Variants in MGAT4C observed in about 807,000 individuals in gnomAD.
MGAT4C encodes alpha-1,3-mannosyl-glycoprotein 4-beta-N-acetylglucosaminyltransferase C.
A neutral mutation model predicts 40.1 loss-of-function variants in MGAT4C; 19 were observed. That is an observed-to-expected ratio of 0.47 (90% CI 0.33 to 0.70). The LOEUF (loss-of-function observed/expected upper bound fraction) is 0.70. Ranked by LOEUF, MGAT4C falls within the 30% of genes least tolerant of loss-of-function variation. The pLI is 0.02. For synonymous variants in MGAT4C, 181 were observed against 187.1 expected (o/e 0.97, Z 0.27); for missense variants, 491 against 563.2 (o/e 0.87, Z 1.30).
At chr12:86,262,791 C>T (rs1256069635) in intron 4 of MGAT4C, among the ~76,000 whole-genome samples, 2 of 151,902 alleles carry the variant, frequency 1.3e-5, no homozygotes, top group Non-Finnish European at 2.9e-5. Context: ...TAATTTCTGC[C>T]TGCAGTCAGA....
chr12:86,277,193 T>A (rs968798456), intron 4 of MGAT4C, among the ~76,000 whole-genome samples: 1 of 152,232 alleles, frequency 6.6e-6, no homozygotes, highest in Non-Finnish European at 1.5e-5. Context: ...CACATTTTTA[T>A]ATACCTGTTT....
rs1030451 is a variant in MGAT4C at position 86,672,627 on chromosome 12, G to T, written c.-229+54582C>A. ...ACTACAGAAATTCAAAGGACCATTAGTGGATACTATGAGCGACTATATACC... is the reference window on the plus strand; with the variant it reads ...ACTACAGAAATTCAAAGGACCATTATTGGATACTATGAGCGACTATATACC... On this transcript the variant is annotated intron_variant, in intron 2 of 7. Coordinates refer to the MGAT4C transcript ENST00000548651. Among the ~76,000 whole-genome samples the T allele has an allele frequency of 3.3e-5, 5 of 152,076 alleles. No individual in the cohort carries two copies. In the East Asian group the frequency reaches 7.7e-4, roughly 23 times the overall value.
At chr12:86,182,731 A>G (rs942034889) in intron 1 of MGAT4C, among the ~76,000 whole-genome samples, 1 of 152,222 alleles carries the variant, frequency 6.6e-6, no homozygotes, top group African/African-American at 2.4e-5. Context: ...AAGCAGCCAT[A>G]AACAGCAATA....
At chr12:86,308,194 G>A in intron 4 of MGAT4C, among the ~76,000 whole-genome samples, 1 of 150,492 alleles carries the variant, frequency 6.6e-6, no homozygotes, top group East Asian at 1.9e-4. Flanking sequence ...TGTATATACA[G>A]GACTTTTGAA....
chr12:86,090,536 C>A (rs1872702688), intron 1 of MGAT4C, among the ~76,000 whole-genome samples: 1 of 151,542 alleles, frequency 6.6e-6, no homozygotes, highest in Admixed American at 6.6e-5. Flanking sequence ...CAGTACTTTT[C>A]TCTCATGTTT....
intron 2 of MGAT4C, among the ~76,000 whole-genome samples, chr12:86,638,221 C>T (rs1963278066): frequency 6.6e-6 from 1 of 151,818 alleles, no homozygotes; most frequent in African/African-American, 2.4e-5. Flanking sequence ...TTATTCTTTG[C>T]CCCCTAATAT....
chr12:86,566,511 ATACT>A (rs1489680436), intron 2 of MGAT4C, among the ~76,000 whole-genome samples: 5 of 123,140 alleles, frequency 4.1e-5, no homozygotes, highest in African/African-American at 1.5e-4. Context: ...ATGTGAGTTA[ATACT>A]TAGTAAACTC....
At chr12:86,659,169 C>CT (rs958567458) in intron 2 of MGAT4C, among the ~76,000 whole-genome samples, 2 of 151,606 alleles carry the variant, frequency 1.3e-5, no homozygotes, top group Admixed American at 6.6e-5. Context: ...TTTTATAGCA[C>CT]TTTTTTTTCA....
chr12:86,071,798 T>A (rs2137037819), intron 1 of MGAT4C, among the ~76,000 whole-genome samples: 1 of 152,260 alleles, frequency 6.6e-6, no homozygotes, highest in East Asian at 1.9e-4. Flanking sequence ...GTAAAACGTG[T>A]TAGATCCAGA....
chr12:86,021,456 G>A (rs1440691719), intron 2 of MGAT4C, among the ~76,000 whole-genome samples: 1 of 151,766 alleles, frequency 6.6e-6, no homozygotes, highest in African/African-American at 2.4e-5. Flanking sequence ...GATGAAGCTG[G>A]AAACCATCAT....
rs1038018331 is a variant in MGAT4C, at chr12:86,688,276, C to T, written c.-229+38933G>A. Reference sequence around the variant, plus strand: ...AATGGGTCTCCTGAATACAGCACACCGATGGGTCTTGTCTCTTTATCCAAT... The same window carrying T: ...AATGGGTCTCCTGAATACAGCACACTGATGGGTCTTGTCTCTTTATCCAAT... On this transcript the variant is annotated intron_variant, in intron 2 of 7. Transcript: ENST00000548651. 6.7e-5 allele frequency among the ~76,000 whole-genome samples: 10 copies of T among 150,368 alleles called. No individual in the cohort carries two copies. The East Asian group carries it at 9.9e-4, about 15-fold the overall frequency.
At chr12:86,804,990 T>C (rs1952320544) in intron 1 of MGAT4C, among the ~76,000 whole-genome samples, 1 of 152,080 alleles carries the variant, frequency 6.6e-6, no homozygotes, top group Non-Finnish European at 1.5e-5. Context: ...CTGGAATTTA[T>C]GGTATACACA....
rs1204488472 is a variant in MGAT4C, at chr12:85,979,006, A to T, written c.*283T>A. The T allele has an allele frequency of 4.5e-6, 1 of 220,064 alleles. No homozygotes were observed. The highest frequency in any genetic ancestry group is 9.8e-5 in the East Asian group (1 of 10,206). The allele number at this position is 220,064 out of a possible 1,614,324, so 13.6% of individuals were successfully genotyped here. A position where few individuals can be genotyped will look rare whatever the true frequency, so the allele number is the denominator to read the frequency against. ...ATTTTTTTCATTTAAAATCTTTCAT[A>T]TTACCCTTTCGACAATCAGTTGAAA... On this transcript the variant is annotated 3_prime_UTR_variant, in exon 5 of 5. Coordinates refer to ENST00000611864, the MANE Select transcript of MGAT4C (RefSeq NM_001351288.2).
At chr12:86,528,567 GTGT>G (rs1025452518) in intron 2 of MGAT4C, among the ~76,000 whole-genome samples, 3 of 151,924 alleles carry the variant, frequency 2.0e-5, no homozygotes, top group Non-Finnish European at 2.9e-5. Flanking sequence ...TAATATTAAA[GTGT>G]TGTATATTTT....
At chr12:86,639,348 A>C (rs1034485356) in intron 2 of MGAT4C, among the ~76,000 whole-genome samples, 1 of 151,730 alleles carries the variant, frequency 6.6e-6, no homozygotes, top group Non-Finnish European at 1.5e-5. Flanking sequence ...AGTCATCTGA[A>C]GTAGTCTATC....
chr12:86,005,974 T>C (rs1363806591), intron 2 of MGAT4C, among the ~76,000 whole-genome samples: 1 of 152,178 alleles, frequency 6.6e-6, no homozygotes, highest in Non-Finnish European at 1.5e-5. Flanking sequence ...TCTAGCTTTT[T>C]TCCAGTATCC....
At chr12:86,721,964 C>A (rs1299946097) in intron 2 of MGAT4C, among the ~76,000 whole-genome samples, 1 of 152,062 alleles carries the variant, frequency 6.6e-6, no homozygotes, top group African/African-American at 2.4e-5. Context: ...AATGATAGAA[C>A]TGTGGATAAT....
chr12:86,335,351 C>A lies in MGAT4C; in HGVS notation c.-119-1224G>T, dbSNP rs186532490. On this transcript the variant is annotated intron_variant, in intron 3 of 7. Coordinates refer to the MGAT4C transcript ENST00000548651. ...TTTTACAACCCAGTAAAGTCTTTCT[C>A]TAGGATCCAGAGATACATCCCTTTG... Among the ~76,000 whole-genome samples the A allele has an allele frequency of 2.5e-3, 386 of 152,188 alleles. 1 individual carries two copies. Among genetic ancestry groups the A allele is most frequent in the Non-Finnish European group, 4.4e-3 (297 of 67,998 alleles).
chr12:85,995,581 T>C (rs769647492), intron 2 of MGAT4C, among the ~76,000 whole-genome samples: 2 of 152,092 alleles, frequency 1.3e-5, no homozygotes, highest in Non-Finnish European at 2.9e-5. Flanking sequence ...AAAAGAATAC[T>C]CAGAGGCCAG....
Sources: allele counts gnomAD v4.1 joint callset (sites outside exome capture counted in the v4.1 genomes callset), GRCh38; gene constraint gnomAD v4.1.1; transcripts MANE v1.5; gene names NCBI Gene and HGNC (gene_info 2026-07-23, HGNC 2026-07-21).